Variants in CNBD1 observed in about 807,000 individuals in gnomAD.
The protein encoded by CNBD1 is cyclic nucleotide binding domain containing 1.
In CNBD1, 71 loss-of-function variants were observed where a neutral mutation model predicts 54.4. The observed-to-expected ratio is 1.30, with a 90% confidence interval of 1.08 to 1.59. The LOEUF is 1.59. Among genes scored for constraint, CNBD1 ranks in the 40% most tolerant of loss-of-function variants. The pLI is 0.00. For synonymous variants in CNBD1, 182 were observed against 170.7 expected (o/e 1.07, Z -0.51); for missense variants, 659 against 518.0 (o/e 1.27, Z -2.64).
chr8:87,282,810 C>A (rs1353498969), intron 6 of CNBD1, among the ~76,000 whole-genome samples: 5 of 151,874 alleles, frequency 3.3e-5, no homozygotes, highest in Non-Finnish European at 7.4e-5. Context: ...ATTAAATGGA[C>A]AATATCTGCT....
At chr8:87,223,686 A>G (rs1259665379) in intron 5 of CNBD1, among the ~76,000 whole-genome samples, 4 of 151,904 alleles carry the variant, frequency 2.6e-5, no homozygotes, top group South Asian at 4.2e-4. Context: ...ATTGTGAATA[A>G]TGCCGCAATA....
intron 4 of CNBD1, among the ~76,000 whole-genome samples, chr8:86,963,656 A>G (rs1481215362): frequency 9.2e-5 from 14 of 152,040 alleles, no homozygotes; most frequent in Admixed American, 8.5e-4. Context: ...CAACTAAGAG[A>G]TTGGGTTTTT....
At chr8:87,015,977 C>CAAAAAA (rs58453987) in intron 4 of CNBD1, among the ~76,000 whole-genome samples, 10 of 55,956 alleles carry the variant, frequency 1.8e-4, no homozygotes, top group African/African-American at 2.1e-4. Context: ...GAATCCGTCT[C>CAAAAAA]AAAAAAAAAA....
At chr8:87,281,022 T>C (rs1486478779) in intron 6 of CNBD1, among the ~76,000 whole-genome samples, 1 of 151,600 alleles carries the variant, frequency 6.6e-6, no homozygotes, top group Non-Finnish European at 1.5e-5. Flanking sequence ...CTTTATAGTG[T>C]TGTCTCATTT....
chr8:87,269,506 G>C (rs1029502106), intron 6 of CNBD1, among the ~76,000 whole-genome samples: 3 of 152,018 alleles, frequency 2.0e-5, no homozygotes, highest in African/African-American at 7.2e-5. Flanking sequence ...TAATTGCTTT[G>C]GGCCGTATGG....
intron 4 of CNBD1, among the ~76,000 whole-genome samples, chr8:87,172,445 C>G (rs1008518049): frequency 3.9e-5 from 6 of 152,030 alleles, no homozygotes; most frequent in African/African-American, 1.2e-4. Flanking sequence ...TCTGGAAGAT[C>G]TGTTCAATGC....
At chr8:87,300,142 A>G (rs2130881377) in intron 8 of CNBD1, among the ~76,000 whole-genome samples, 1 of 152,300 alleles carries the variant, frequency 6.6e-6, no homozygotes, top group South Asian at 2.1e-4. Flanking sequence ...TAAAAAATAT[A>G]AATATGATAT....
chr8:87,385,606 A>T (rs1301053603), downstream of CNBD1, among the ~76,000 whole-genome samples: 4 of 152,088 alleles, frequency 2.6e-5, no homozygotes, highest in African/African-American at 9.7e-5. Flanking sequence ...GAGTAGGTAA[A>T]CAAAGTGGCT....
chr8:87,326,942 CT>C (rs776317722), intron 8 of CNBD1, among the ~76,000 whole-genome samples: 11,699 of 112,626 alleles, frequency 0.1, 635 homozygotes, highest in African/African-American at 0.11. Context: ...GTTTTATCTA[CT>C]TTTGGTCTTT....
chr8:87,218,106 T>C (rs1814252484), intron 5 of CNBD1, among the ~76,000 whole-genome samples: 1 of 152,106 alleles, frequency 6.6e-6, no homozygotes, highest in East Asian at 1.9e-4. Context: ...TTCAGGCATG[T>C]GGGGGCTTCT....
intron 4 of CNBD1, among the ~76,000 whole-genome samples, chr8:87,090,685 T>G (rs1811187259): frequency 6.6e-6 from 1 of 152,224 alleles, no homozygotes; most frequent in Non-Finnish European, 1.5e-5. Context: ...ATTTTTCTCT[T>G]TAGAAATTTT....
intron 1 of CNBD1, among the ~76,000 whole-genome samples, chr8:86,879,941 C>A (rs1808580249): frequency 6.6e-6 from 1 of 151,800 alleles, no homozygotes; most frequent in Non-Finnish European, 1.5e-5. Flanking sequence ...AATGAGGTCA[C>A]AGAAGTTAAT....
intron 4 of CNBD1, among the ~76,000 whole-genome samples, chr8:87,096,695 G>C (rs759202998): frequency 6.6e-6 from 1 of 152,104 alleles, no homozygotes; most frequent in Non-Finnish European, 1.5e-5. Context: ...CTAGAAGTTA[G>C]ATGTTGACTT....
At chr8:87,329,127 G>T (rs190388167) in intron 8 of CNBD1, among the ~76,000 whole-genome samples, 1 of 151,626 alleles carries the variant, frequency 6.6e-6, no homozygotes, top group Non-Finnish European at 1.5e-5. Flanking sequence ...GTCTATATTC[G>T]CTCTTTTGCA....
chr8:87,132,929 G>A (rs1812150716), intron 4 of CNBD1, among the ~76,000 whole-genome samples: 2 of 151,012 alleles, frequency 1.3e-5, no homozygotes, highest in South Asian at 4.2e-4. Context: ...CAGGTTCTAT[G>A]AAATCATTCT....
At chr8:87,057,070 T>A (rs937896193) in intron 4 of CNBD1, among the ~76,000 whole-genome samples, 1 of 152,188 alleles carries the variant, frequency 6.6e-6, no homozygotes, top group African/African-American at 2.4e-5. Context: ...CTTACCTGAC[T>A]GGGGAGGAAG....
intron 3 of CNBD1, among the ~76,000 whole-genome samples, chr8:86,933,168 T>A (rs1286789140): frequency 6.6e-6 from 1 of 152,182 alleles, no homozygotes; most frequent in Non-Finnish European, 1.5e-5. Flanking sequence ...TTTTGGAGTC[T>A]ATAATTTCTG....
At chr8:87,358,080 C>A (rs1810456953) in intron 10 of CNBD1, among the ~76,000 whole-genome samples, 1 of 152,098 alleles carries the variant, frequency 6.6e-6, no homozygotes, top group African/African-American at 2.4e-5. Context: ...ATTCCCGAGG[C>A]CTCATCAGTA....
intron 10 of CNBD1, 50 bp from the exon 11 acceptor site, chr8:87,382,570 A>T (rs1307573564): frequency 6.8e-7 from 1 of 1,476,508 alleles, no homozygotes; most frequent in Admixed American, 2.0e-5. Context: ...TAATTACCAA[A>T]AATGAGTATT....
Sources: allele counts gnomAD v4.1 joint callset (sites outside exome capture counted in the v4.1 genomes callset), GRCh38; gene constraint gnomAD v4.1.1; transcripts MANE v1.5; gene names NCBI Gene and HGNC (gene_info 2026-07-23, HGNC 2026-07-21).